Variants in TMEM132C observed in about 807,000 individuals in gnomAD.
TMEM132C encodes the protein transmembrane protein 132C, also known as protein phosphatase 1, regulatory subunit 152.
A neutral mutation model predicts 61.4 loss-of-function variants in TMEM132C; 29 were observed. The ratio of observed to expected loss-of-function variants is 0.47; its 90% CI spans 0.35 to 0.64. TMEM132C has a LOEUF of 0.64. TMEM132C is among the 30% of genes least tolerant of loss of function. TMEM132C has a pLI of 0.00. For missense variants in TMEM132C, 1,408 were observed against 1,476.9 expected (o/e 0.95, Z 0.76); for synonymous variants, 656 against 633.1 (o/e 1.04, Z -0.54).
intron 3 of TMEM132C, among the ~76,000 whole-genome samples, chr12:128,602,961 G>A (rs1876250887): frequency 6.6e-6 from 1 of 152,214 alleles, no homozygotes; most frequent in Non-Finnish European, 1.5e-5. Flanking sequence ...GGTGGCCCAA[G>A]GTTACTGGCT....
Position 128,462,993 on chromosome 12 carries a change from A to G in TMEM132C, c.974+47373A>G, listed in dbSNP as rs540132960. 5.5e-4 allele frequency among the ~76,000 whole-genome samples: 84 copies of G among 152,312 alleles called. No individual in the cohort carries two copies. In the South Asian group the frequency reaches 0.017, roughly 31 times the overall value. ...CCAGGCTTTGATTCTTGTATCTGCC[A>G]TGCACTTGGTGTCTGGCTCGTGGCT... On this transcript the variant is annotated intron_variant, in intron 2 of 8. Transcript: ENST00000435159.
At chr12:128,602,257 G>T (rs897480858) in intron 3 of TMEM132C, among the ~76,000 whole-genome samples, 1 of 152,230 alleles carries the variant, frequency 6.6e-6, no homozygotes, top group African/African-American at 2.4e-5. Flanking sequence ...ACCAACGCAT[G>T]AGTGTATTTC....
At chr12:128,287,554 T>C (rs1871115021) in intron 1 of TMEM132C, among the ~76,000 whole-genome samples, 1 of 152,146 alleles carries the variant, frequency 6.6e-6, no homozygotes, top group South Asian at 2.1e-4. Flanking sequence ...TAGGTGCAAT[T>C]TTTCTGAATT....
chr12:128,268,941 G>T (rs1592990892), intron 1 of TMEM132C, among the ~76,000 whole-genome samples: 1 of 109,208 alleles, frequency 9.2e-6, no homozygotes, highest in African/African-American at 4.4e-5. Context: ...GCGAGAGAGG[G>T]GGGAAAGGGG....
rs1269825235 is a variant in TMEM132C, at chr12:128,607,481, G to A, written c.1122-8671G>A. 5.9e-5 allele frequency among the ~76,000 whole-genome samples: 9 copies of A among 152,300 alleles called. No homozygotes were observed. In the East Asian group the frequency reaches 1.7e-3, roughly 29 times the overall value. On this transcript the variant is annotated intron_variant, in intron 3 of 8. Coordinates refer to ENST00000435159, the MANE Select transcript of TMEM132C (RefSeq NM_001136103.3). The stretch of plus-strand genomic sequence containing the variant: ...GAGGTAGGGGAAGTAGGGGGTTAGG[G>A]CCGAAATGGGCATATCCCAGTTAGG...
intron 5 of TMEM132C, among the ~76,000 whole-genome samples, chr12:128,675,520 A>C (rs1049986590): frequency 3.3e-5 from 5 of 152,154 alleles, no homozygotes; most frequent in Admixed American, 3.3e-4. Flanking sequence ...AACTTATCTC[A>C]AAGGTTGCAG....
At chr12:128,351,784 C>A (rs1469214388) in intron 1 of TMEM132C, among the ~76,000 whole-genome samples, 2 of 152,196 alleles carry the variant, frequency 1.3e-5, no homozygotes, top group Non-Finnish European at 2.9e-5. Context: ...GATCCAAACA[C>A]CTCCTAGCAG....
intron 1 of TMEM132C, among the ~76,000 whole-genome samples, chr12:128,393,955 A>C (rs1874852799): frequency 6.6e-6 from 1 of 152,180 alleles, no homozygotes; most frequent in Non-Finnish European, 1.5e-5. Context: ...AGGCTGAGAT[A>C]CACACTTCTT....
rs73430864 is a variant in TMEM132C, at chr12:128,278,349, T to A, written c.85+10862T>A. Among the ~76,000 whole-genome samples, 931 of 152,334 alleles carry A rather than the reference T, an allele frequency of 6.1e-3. 13 individuals carry two copies. The highest frequency in any genetic ancestry group is 0.021 in the African/African-American group (874 of 41,566). ...CCACTGTTTAATTGTAAGCAATGAA[T>A]TGACTGAGAGAGCAGACTTTTCTCA... is the stretch of plus-strand genomic sequence containing the variant. On this transcript the variant is annotated intron_variant, in intron 1 of 8. Coordinates refer to ENST00000435159, the MANE Select transcript of TMEM132C (RefSeq NM_001136103.3). This position sits in a 1 kb window ranked among gnomAD's most constrained non-coding sequence, Gnocchi z 4.2.
chr12:128,687,026 A>G (rs941177915), intron 5 of TMEM132C, among the ~76,000 whole-genome samples: 7 of 151,820 alleles, frequency 4.6e-5, no homozygotes, highest in Non-Finnish European at 7.4e-5. Context: ...GTGAAACCTC[A>G]TCTTTACTAA....
chr12:128,461,899 G>A (rs375276711), intron 2 of TMEM132C, among the ~76,000 whole-genome samples: 27 of 152,212 alleles, frequency 1.8e-4, no homozygotes, highest in African/African-American at 6.5e-4. Context: ...AGGCTTCTCA[G>A]GCAGAGATTT....
At chr12:128,678,111 G>A (rs1954608169) in intron 5 of TMEM132C, among the ~76,000 whole-genome samples, 2 of 152,186 alleles carry the variant, frequency 1.3e-5, no homozygotes, top group Non-Finnish European at 1.5e-5. Flanking sequence ...ACTGCTTTCG[G>A]GTGGCATCCC....
At chr12:128,681,546 A>G (rs1174620328) in intron 5 of TMEM132C, among the ~76,000 whole-genome samples, 1 of 151,876 alleles carries the variant, frequency 6.6e-6, no homozygotes, top group African/African-American at 2.4e-5. Flanking sequence ...CAGTATTTTT[A>G]TGTTATTTCC....
At chr12:128,336,699 T>C (rs1872799680) in intron 1 of TMEM132C, among the ~76,000 whole-genome samples, 2 of 152,172 alleles carry the variant, frequency 1.3e-5, no homozygotes, top group African/African-American at 4.8e-5. Context: ...ACATTTCCGC[T>C]CCCTGGCAGC....
At chr12:128,519,180 A>G (rs971147115) in intron 2 of TMEM132C, among the ~76,000 whole-genome samples, 1 of 152,236 alleles carries the variant, frequency 6.6e-6, no homozygotes, top group Admixed American at 6.5e-5. Context: ...TTTCCACATT[A>G]GTACAGATAC....
At chr12:128,554,993 T>A (rs1439817114) in intron 3 of TMEM132C, among the ~76,000 whole-genome samples, 1 of 152,158 alleles carries the variant, frequency 6.6e-6, no homozygotes, top group Admixed American at 6.5e-5. Flanking sequence ...CAGTGAGTGA[T>A]GCCTCTCCTG....
chr12:128,322,172 T>C (rs1415383239), intron 1 of TMEM132C, among the ~76,000 whole-genome samples: 3 of 152,258 alleles, frequency 2.0e-5, no homozygotes, highest in African/African-American at 7.2e-5. Context: ...CTGTCTCTCT[T>C]GGGTTGCTTG....
At chr12:128,543,742 C>T (rs1002340250) in intron 2 of TMEM132C, among the ~76,000 whole-genome samples, 12 of 152,082 alleles carry the variant, frequency 7.9e-5, no homozygotes, top group African/African-American at 2.9e-4. Flanking sequence ...CCCCTCAGAA[C>T]CGGACAGCAA....
intron 1 of TMEM132C, among the ~76,000 whole-genome samples, chr12:128,356,164 A>G (rs1356176930): frequency 6.6e-6 from 1 of 152,232 alleles, no homozygotes; most frequent in Admixed American, 6.5e-5. Flanking sequence ...TCCAGGAGAA[A>G]TATTTAGCTT....
Sources: gnomAD v4.1 joint callset for allele counts (sites outside exome capture counted in the v4.1 genomes callset) on GRCh38, gnomAD v4.1.1 for gene constraint, Gnocchi (gnomAD v3.1) non-coding constraint, MANE v1.5 for transcripts, NCBI Gene and HGNC (gene_info 2026-07-23, HGNC 2026-07-21) for gene names.